The following PLAGL1 variants were observed in gnomAD, a reference collection of about 807,000 sequenced individuals.
PLAGL1 encodes the protein PLAG1 like zinc finger 1.
A neutral mutation model predicts 4.6 loss-of-function variants in PLAGL1; 1 was observed. That is an observed-to-expected ratio of 0.22 (90% CI 0.08 to 1.03). The LOEUF (loss-of-function observed/expected upper bound fraction) is 1.03, where lower values mean the gene tolerates loss of function less well. PLAGL1 is among the 50% of genes least tolerant of loss of function. The pLI, the probability that PLAGL1 is intolerant of heterozygous loss-of-function variation, is 0.58. For missense variants in PLAGL1, 464 were observed against 570.4 expected (o/e 0.81, Z 1.90); for synonymous variants, 240 against 237.8 (o/e 1.01, Z -0.08).
chr6:144,049,876 G>A (rs144441917), intron 1 of PLAGL1, among the ~76,000 whole-genome samples: 61 of 152,242 alleles, frequency 4.0e-4, no homozygotes, highest in African/African-American at 1.4e-3. Flanking sequence ...TTTATCCTTC[G>A]TGCTGCGTAG....
At chr6:143,943,072 C>G (rs979361823) in intron 7 of PLAGL1, among the ~76,000 whole-genome samples, 5 of 113,082 alleles carry the variant, frequency 4.4e-5, no homozygotes, top group African/African-American at 1.6e-4. Flanking sequence ...TCACTATACC[C>G]ACGCTGGTCT....
At position 143,941,736 on chromosome 6, in the gene PLAGL1, G is replaced by GTTTAC. The variant is rs1450805284; in HGVS notation, c.1075_1079dup (p.Asn360LysfsTer2). The GTTTAC allele has an allele frequency of 6.2e-7, 1 of 1,614,218 alleles. No individual in the cohort carries two copies. Among genetic ancestry groups the GTTTAC allele is most frequent in the East Asian group, 2.2e-5 (1 of 44,886 alleles). On this transcript the variant is annotated stop_gained and frameshift_variant, in exon 8 of 8. Transcript: ENST00000674357. LOFTEE classifies it low-confidence loss of function (END_TRUNC). This position sits in a 1 kb window ranked among gnomAD's most constrained non-coding sequence, Gnocchi z 6.0. ...CATCTGCAGGCAGCTCCTTGGGCAG[G>GTTTAC]TTTACTTTACCAGCATTTCCCTTAG...
intron 1 of PLAGL1, among the ~76,000 whole-genome samples, chr6:144,029,329 T>C (rs961638604): frequency 6.6e-6 from 1 of 152,198 alleles, no homozygotes; most frequent in Non-Finnish European, 1.5e-5. Context: ...CTCTGTATGA[T>C]AAGACATACC....
At chr6:144,009,692 C>G (rs1040471335), upstream of PLAGL1, among the ~76,000 whole-genome samples, 4 of 152,132 alleles carry the variant, frequency 2.6e-5, no homozygotes, top group Non-Finnish European at 5.9e-5. Context: ...CAACAGGCCC[C>G]AGTGTGTGAT....
chr6:144,014,210 C>A (rs967201615), intron 1 of PLAGL1, among the ~76,000 whole-genome samples: 1 of 152,094 alleles, frequency 6.6e-6, no homozygotes, highest in African/African-American at 2.4e-5. Context: ...GCGGGCAGAT[C>A]ATTTGAGGTC....
At chr6:143,991,775 T>A (rs893325503) in intron 1 of PLAGL1, among the ~76,000 whole-genome samples, 1 of 152,222 alleles carries the variant, frequency 6.6e-6, no homozygotes, top group Non-Finnish European at 1.5e-5. Flanking sequence ...AACCAGGAAC[T>A]GCACAGGCTC....
At chr6:143,980,709 C>T (rs571438630) in intron 2 of PLAGL1, among the ~76,000 whole-genome samples, 5 of 152,270 alleles carry the variant, frequency 3.3e-5, no homozygotes, top group African/African-American at 9.6e-5. Flanking sequence ...TGAGTTTTCT[C>T]TTCACTGTTG....
At position 143,989,202 on chromosome 6, in the gene PLAGL1, T is replaced by C. The variant is rs1268348864; in HGVS notation, c.-583-4028A>G. 2.0e-5 allele frequency among the ~76,000 whole-genome samples: 3 copies of C among 151,858 alleles called. No homozygotes were observed. Among genetic ancestry groups the C allele is most frequent in the African/African-American group, 7.3e-5 (3 of 41,282 alleles). The stretch of plus-strand genomic sequence containing the variant: ...GGACATTAAAAACGCACAGAAACAA[T>C]AGAGTGGAAAGGCTACTACAGTAGA... On this transcript the variant is annotated intron_variant, in intron 1 of 7. Coordinates refer to ENST00000674357, the MANE Select transcript of PLAGL1 (RefSeq NM_001317162.2). The surrounding 1 kb of genome is among the most constrained non-coding windows in gnomAD (Gnocchi z 4.8).
In PLAGL1 at chr6:143,990,419, GA is replaced by G. The variant is rs1176589582; in HGVS notation, c.-583-5246del. Among the ~76,000 whole-genome samples, 2 of 152,040 alleles carry G rather than the reference GA, an allele frequency of 1.3e-5. No individual in the cohort carries two copies. The highest frequency in any genetic ancestry group is 2.9e-5 in the Non-Finnish European group (2 of 67,998). ...CAGGTGTGAGCCATCGTGCCCGGCT[GA>G]TATTCCTCAATTTTTAAAGAACAAA... On this transcript the variant is annotated intron_variant, in intron 1 of 7. Transcript: ENST00000674357. This position sits in a 1 kb window ranked among gnomAD's most constrained non-coding sequence, Gnocchi z 5.4.
At chr6:143,981,731 A>C (rs1788000102) in intron 2 of PLAGL1, among the ~76,000 whole-genome samples, 1 of 152,156 alleles carries the variant, frequency 6.6e-6, no homozygotes, top group African/African-American at 2.4e-5. Context: ...CTGGAAGCAG[A>C]GGTCCTCTCA....
rs1361688642 is a variant in PLAGL1 at position 144,064,243 on chromosome 6, C to G, written c.-151+225G>C. ...GCGCCCCAAGCCGCACAAAGGTGGCCGCCGGTGTCCCAAGCACCGACCGCC... is the reference window on the plus strand; with the variant it reads ...GCGCCCCAAGCCGCACAAAGGTGGCGGCCGGTGTCCCAAGCACCGACCGCC... On this transcript the variant is annotated intron_variant, in intron 1 of 3. Coordinates refer to the PLAGL1 transcript ENST00000437412. The surrounding 1 kb of genome is among the most constrained non-coding windows in gnomAD (Gnocchi z 6.8). Among the ~76,000 whole-genome samples the G allele has an allele frequency of 6.6e-6, 1 of 152,114 alleles. No individual in the cohort carries two copies. The highest frequency in any genetic ancestry group is 1.5e-5 in the Non-Finnish European group (1 of 68,006).
At chr6:144,018,696 A>G (rs1456692665) in intron 1 of PLAGL1, among the ~76,000 whole-genome samples, 1 of 152,230 alleles carries the variant, frequency 6.6e-6, no homozygotes, top group Non-Finnish European at 1.5e-5. Flanking sequence ...TCACTCTAAC[A>G]TCTAAATTCT....
chr6:144,003,371 T>C (rs566228108), intron 1 of PLAGL1, among the ~76,000 whole-genome samples: 42 of 152,222 alleles, frequency 2.8e-4, no homozygotes, highest in African/African-American at 8.9e-4. Flanking sequence ...ACACCTGTAA[T>C]CCCAGCACTT....
chr6:144,029,666 G>C (rs1295286476), intron 1 of PLAGL1, among the ~76,000 whole-genome samples: 1 of 152,142 alleles, frequency 6.6e-6, no homozygotes, highest in Non-Finnish European at 1.5e-5. Flanking sequence ...TTTGGAGAAA[G>C]GCACTCTCAT....
chr6:144,062,003 C>T (rs147308209), intron 1 of PLAGL1, among the ~76,000 whole-genome samples: 130 of 152,088 alleles, frequency 8.5e-4, no homozygotes, highest in African/African-American at 3.0e-3. Context: ...GTTTTTTAAC[C>T]ACCCCTTTAT....
chr6:144,055,529 C>T lies in PLAGL1; in HGVS notation c.-151+8939G>A, dbSNP rs1798902385. The stretch of plus-strand genomic sequence containing the variant: ...CTCTATCGTAGGACCCCCAACTACC[C>T]TCAAGCCTGTGATTCTTTCTCCTCC... On this transcript the variant is annotated intron_variant, in intron 1 of 3. Transcript: ENST00000437412. This position sits in a 1 kb window ranked among gnomAD's most constrained non-coding sequence, Gnocchi z 5.0. Among the ~76,000 whole-genome samples, 1 of 152,186 alleles carries T rather than the reference C, an allele frequency of 6.6e-6. No individual in the cohort carries two copies. Among genetic ancestry groups the T allele is most frequent in the South Asian group, 2.1e-4 (1 of 4,822 alleles).
intron 1 of PLAGL1, among the ~76,000 whole-genome samples, chr6:143,998,316 T>A (rs190976648): frequency 2.6e-5 from 4 of 152,324 alleles, no homozygotes; most frequent in Admixed American, 2.0e-4. Flanking sequence ...ATGCTTCTGT[T>A]CATAATTTTA....
chr6:144,044,602 T>C (rs191756612), intron 1 of PLAGL1, among the ~76,000 whole-genome samples: 30 of 151,918 alleles, frequency 2.0e-4, no homozygotes, highest in African/African-American at 7.0e-4. Flanking sequence ...TTCCAACTGG[T>C]CAACTTTGGA....
chr6:144,003,684 T>C (rs933529683), intron 1 of PLAGL1, among the ~76,000 whole-genome samples: 8 of 148,852 alleles, frequency 5.4e-5, no homozygotes, highest in African/African-American at 1.5e-4. Flanking sequence ...CCTGCAAACA[T>C]ATACCCAAGA....
Sources: allele counts gnomAD v4.1 joint callset (sites outside exome capture counted in the v4.1 genomes callset), GRCh38; gene constraint gnomAD v4.1.1; non-coding constraint Gnocchi (gnomAD v3.1); transcripts MANE v1.5; gene names NCBI Gene and HGNC (gene_info 2026-07-23, HGNC 2026-07-21).